The following FSHR variants were observed in gnomAD, a reference collection of about 807,000 sequenced individuals.
FSHR encodes follicle stimulating hormone receptor.
In FSHR, 46 loss-of-function variants were observed where a neutral mutation model predicts 52.1. That is an observed-to-expected ratio of 0.88 (90% confidence interval 0.70 to 1.13). The LOEUF (loss-of-function observed/expected upper bound fraction) is 1.13. Among genes scored for constraint, FSHR ranks in the 50% most tolerant of loss-of-function variants. The pLI is 0.00. For synonymous variants in FSHR, 399 were observed against 309.6 expected (o/e 1.29, Z -3.03); for missense variants, 964 against 834.6 (o/e 1.16, Z -1.91).
At chr2:48,978,160 G>T (rs1675076855) in intron 8 of FSHR, among the ~76,000 whole-genome samples, 2 of 152,204 alleles carry the variant, frequency 1.3e-5, no homozygotes, top group African/African-American at 4.8e-5. Flanking sequence ...TAGGAGGGTA[G>T]TAAGAGGCTG....
intron 2 of FSHR, among the ~76,000 whole-genome samples, chr2:49,064,928 T>C (rs997603020): frequency 1.3e-5 from 2 of 152,098 alleles, no homozygotes; most frequent in African/African-American, 4.8e-5. Context: ...TTTTATGAAG[T>C]GAAATTTTAG....
At position 48,987,778 on chromosome 2, in the gene FSHR, T is replaced by G. The variant is rs547884601; in HGVS notation, c.524+1199A>C. ...GTATATCATTCATTCTGCTCGCGTT[T>G]TAGTTTATTCCTTTTGCTTTCTCTT... On this transcript the variant is annotated intron_variant, in intron 6 of 9. Transcript: ENST00000406846. Among the ~76,000 whole-genome samples, 153 of 152,028 alleles carry G rather than the reference T, an allele frequency of 1.0e-3. 1 individual carries two copies. The highest frequency in any genetic ancestry group is 3.3e-3 in the African/African-American group (138 of 41,450).
At chr2:49,136,216 G>A (rs1672482903) in intron 1 of FSHR, among the ~76,000 whole-genome samples, 1 of 151,774 alleles carries the variant, frequency 6.6e-6, no homozygotes, top group South Asian at 2.1e-4. Context: ...GAAAAATAAA[G>A]GAATATTTTT....
At chr2:48,991,195 A>AT (rs1675759147) in intron 4 of FSHR, among the ~76,000 whole-genome samples, 1 of 152,092 alleles carries the variant, frequency 6.6e-6, no homozygotes. Context: ...AAAATTTCAG[A>AT]CCTACCCAGG....
At chr2:49,086,682 C>T (rs193272527) in intron 1 of FSHR, among the ~76,000 whole-genome samples, 173 of 152,118 alleles carry the variant, frequency 1.1e-3, no homozygotes, top group African/African-American at 4.0e-3. Flanking sequence ...GCTCTTTTGC[C>T]GAGGCTGGAG....
At chr2:49,021,857 C>CTATA (rs1218938323) in intron 2 of FSHR, among the ~76,000 whole-genome samples, 13 of 37,676 alleles carry the variant, frequency 3.5e-4, no homozygotes, top group East Asian at 4.5e-3. Context: ...CTCTCTCTCT[C>CTATA]TCTCTCTATA....
chr2:48,976,002 G>T (rs545419362), intron 8 of FSHR, among the ~76,000 whole-genome samples: 1 of 152,214 alleles, frequency 6.6e-6, no homozygotes, highest in East Asian at 1.9e-4. Context: ...GATTGTCCTG[G>T]CCAGAACTTC....
chr2:49,056,604 T>A (rs895899525), intron 2 of FSHR, among the ~76,000 whole-genome samples: 3 of 151,830 alleles, frequency 2.0e-5, no homozygotes, highest in African/African-American at 7.3e-5. Flanking sequence ...ATTAGACAGA[T>A]TGTTTAGAGT....
intron 2 of FSHR, among the ~76,000 whole-genome samples, chr2:49,049,477 G>A (rs1668775865): frequency 6.6e-6 from 1 of 152,090 alleles, no homozygotes; most frequent in African/African-American, 2.4e-5. Context: ...GAAGTCATCA[G>A]GACCATGAAT....
intron 4 of FSHR, among the ~76,000 whole-genome samples, chr2:49,002,934 A>G (rs1367241116): frequency 6.6e-6 from 1 of 152,150 alleles, no homozygotes; most frequent in African/African-American, 2.4e-5. Flanking sequence ...AGAGACCATG[A>G]TGGATGATCA....
intron 5 of FSHR, 120 bp downstream of exon 5, chr2:48,990,446 A>G: frequency 1.3e-6 from 1 of 773,420 alleles, no homozygotes; most frequent in East Asian, 2.4e-5. Flanking sequence ...TATCTTTGCT[A>G]ACCCAGAGCA....
chr2:49,150,966 T>C (rs1673039929), intron 1 of FSHR, among the ~76,000 whole-genome samples: 1 of 152,056 alleles, frequency 6.6e-6, no homozygotes, highest in Non-Finnish European at 1.5e-5. Flanking sequence ...ACATGACAAT[T>C]ATATGAAATT....
chr2:49,060,277 A>C (rs1175655577), intron 2 of FSHR, among the ~76,000 whole-genome samples: 1 of 152,184 alleles, frequency 6.6e-6, no homozygotes, highest in Non-Finnish European at 1.5e-5. Flanking sequence ...AAACAGTATA[A>C]AAAGGTTATT....
chr2:49,147,605 T>C (rs1672915120), intron 1 of FSHR, among the ~76,000 whole-genome samples: 1 of 152,054 alleles, frequency 6.6e-6, no homozygotes, highest in African/African-American at 2.4e-5. Flanking sequence ...ACTCTGTAAA[T>C]TATAGCTCTT....
intron 4 of FSHR, among the ~76,000 whole-genome samples, chr2:49,014,081 C>T (rs1034660826): frequency 1.3e-5 from 2 of 152,050 alleles, no homozygotes; most frequent in African/African-American, 4.8e-5. Context: ...GGCTTCTAGC[C>T]CCCAGGACCA....
chr2:49,127,829 C>CTTTTTT (rs1672092224), intron 1 of FSHR, among the ~76,000 whole-genome samples: 1 of 40,904 alleles, frequency 2.4e-5, no homozygotes, highest in Non-Finnish European at 4.2e-5. Flanking sequence ...TCTTCTTCTT[C>CTTTTTT]CTCTTCTTCT....
intron 2 of FSHR, among the ~76,000 whole-genome samples, chr2:49,038,237 G>T (rs1668341597): frequency 6.6e-6 from 1 of 152,078 alleles, no homozygotes; most frequent in African/African-American, 2.4e-5. Flanking sequence ...TCAACAAGAA[G>T]AAAATTAGAC....
At chr2:49,054,193 T>TG (rs1279625146) in intron 2 of FSHR, among the ~76,000 whole-genome samples, 7 of 152,164 alleles carry the variant, frequency 4.6e-5, no homozygotes, top group Non-Finnish European at 2.9e-5. Context: ...CCTGTGCAAC[T>TG]GGGGGGATGA....
chr2:49,033,780 A>AG, intron 2 of FSHR, among the ~76,000 whole-genome samples: 1 of 152,080 alleles, frequency 6.6e-6, no homozygotes, highest in African/African-American at 2.4e-5. Context: ...GTCTGTTTGG[A>AG]GGGGAGGGGA....
Sources: gnomAD v4.1 joint callset for allele counts (sites outside exome capture counted in the v4.1 genomes callset) on GRCh38, gnomAD v4.1.1 for gene constraint, MANE v1.5 for transcripts, NCBI Gene and HGNC (gene_info 2026-07-23, HGNC 2026-07-21) for gene names.